Variants in MAP3K9 observed in about 807,000 individuals in gnomAD.
MAP3K9 encodes the protein mixed lineage kinase 1 (tyr and ser/thr specificity).
In MAP3K9, 46 loss-of-function variants were observed where a neutral mutation model predicts 95.8. The observed-to-expected ratio is 0.48, with a 90% CI of 0.38 to 0.61. The LOEUF is 0.61. MAP3K9 is among the 20% of genes least tolerant of loss of function. MAP3K9 has a pLI of 0.00. For synonymous variants in MAP3K9, 533 were observed against 593.8 expected (o/e 0.90, Z 1.49); for missense variants, 1,296 against 1,474.3 (o/e 0.88, Z 1.98).
At position 70,809,286 on chromosome 14, in the gene MAP3K9, A is replaced by AGGTAGGGCCCGGGCT; in HGVS notation, c.-130_-116dup. 2.5e-6 allele frequency: 3 copies of AGGTAGGGCCCGGGCT among 1,205,946 alleles called. No homozygotes were observed. Among genetic ancestry groups the AGGTAGGGCCCGGGCT allele is most frequent in the Non-Finnish European group, 3.1e-6 (3 of 963,292 alleles). 74.7% of individuals were successfully genotyped at this position (1,205,946 alleles called of 1,614,324 possible). A position where few individuals can be genotyped will look rare whatever the true frequency, so the allele number is the denominator to read the frequency against. Reference sequence around the variant, plus strand: ...ACCCCCCCCCAACGACGGCGGCCGCAGGTAGGGCCCGGGCTGGCAGGGCTG... The same window carrying AGGTAGGGCCCGGGCT: ...ACCCCCCCCCAACGACGGCGGCCGCAGGTAGGGCCCGGGCTGGTAGGGCCCGGGCTGGCAGGGCTG... On this transcript the variant is annotated 5_prime_UTR_variant, in exon 1 of 12. Transcript: ENST00000554752.
chr14:70,757,964 G>T (rs770184747), intron 3 of MAP3K9, among the ~76,000 whole-genome samples: 29 of 152,090 alleles, frequency 1.9e-4, no homozygotes, highest in Admixed American at 6.6e-4. Context: ...AAAAAATATA[G>T]GAGTGTAAGT....
chr14:70,739,191 G>A (rs1394776582), intron 7 of MAP3K9, among the ~76,000 whole-genome samples: 5 of 152,164 alleles, frequency 3.3e-5, no homozygotes, highest in South Asian at 2.1e-4. Context: ...ACGCAGTGGC[G>A]CAATCTTGGC....
At chr14:70,759,234 G>A (rs1363807594) in intron 3 of MAP3K9, among the ~76,000 whole-genome samples, 1 of 152,104 alleles carries the variant, frequency 6.6e-6, no homozygotes, top group African/African-American at 2.4e-5. Flanking sequence ...GATTGCTTTG[G>A]ATCAGTTCAA....
intron 3 of MAP3K9, among the ~76,000 whole-genome samples, chr14:70,759,930 C>T (rs1205607465): frequency 6.6e-6 from 1 of 151,916 alleles, no homozygotes; most frequent in African/African-American, 2.4e-5. Context: ...ACTTTTTAAA[C>T]TTTTTGTAGA....
intron 2 of MAP3K9, among the ~76,000 whole-genome samples, chr14:70,768,413 A>G (rs1566751595): frequency 6.6e-6 from 1 of 152,170 alleles, no homozygotes; most frequent in Non-Finnish European, 1.5e-5. Context: ...AAACAAAAAT[A>G]AATGGTACAG....
intron 2 of MAP3K9, among the ~76,000 whole-genome samples, chr14:70,786,390 G>C (rs985103088): frequency 3.3e-5 from 5 of 152,084 alleles, no homozygotes; most frequent in Non-Finnish European, 5.9e-5. Context: ...AGGGAGCCAG[G>C]AGTCTACTGC....
chr14:70,750,021 G>A lies in MAP3K9; in HGVS notation c.1062C>T (p.Gly354=), dbSNP rs1198598722. The A allele has an allele frequency of 1.2e-6, 2 of 1,614,198 alleles. No individual in the cohort carries two copies. ...TGGCCACTCCATAAGCGACTGCTAA[G>A]CCATCAATGCCTCGAAAGGGCACCT... is the stretch of plus-strand genomic sequence containing the variant. ...TGEVPFRGID[G]LAVAYGVAMN... is the part of the protein sequence containing the mutation. The change falls in exon 4 of 12, where the codon GGC becomes GGT. Residue 354 remains glycine (G), a synonymous_variant. Coordinates refer to ENST00000554752, the MANE Select transcript of MAP3K9 (RefSeq NM_001284230.2).
chr14:70,744,017 G>T (rs780185703), intron 5 of MAP3K9, among the ~76,000 whole-genome samples: 7 of 152,200 alleles, frequency 4.6e-5, no homozygotes, highest in Non-Finnish European at 8.8e-5. Flanking sequence ...ATGATACTAT[G>T]CAGCCATAAA....
At chr14:70,778,222 C>T (rs1443282756) in intron 2 of MAP3K9, among the ~76,000 whole-genome samples, 1 of 151,906 alleles carries the variant, frequency 6.6e-6, no homozygotes, top group Non-Finnish European at 1.5e-5. Flanking sequence ...GCAATCCTCC[C>T]ACCTCAGCCT....
chr14:70,800,195 C>T (rs1278656643), intron 2 of MAP3K9, among the ~76,000 whole-genome samples: 3 of 152,156 alleles, frequency 2.0e-5, no homozygotes, highest in Non-Finnish European at 2.9e-5. Context: ...TGAATCAGCT[C>T]ACAGTTTAAA....
At chr14:70,745,334 A>G (rs2054130960) in intron 5 of MAP3K9, among the ~76,000 whole-genome samples, 1 of 152,244 alleles carries the variant, frequency 6.6e-6, no homozygotes, top group South Asian at 2.1e-4. Context: ...GCAGCAGGTA[A>G]AAGTGGAAGA....
Position 70,730,519 on chromosome 14 carries a change from G to A in MAP3K9, c.3176C>T (p.Pro1059Leu), listed in dbSNP as rs146739032. The A allele has an allele frequency of 5.7e-5, 92 of 1,613,818 alleles. No individual in the cohort carries two copies. The highest frequency in any genetic ancestry group is 4.3e-4 in the African/African-American group (32 of 74,936). The change falls in exon 12 of 12, where the codon CCG becomes CTG. Residue 1059 changes from proline (P) to leucine (L), a missense_variant. Physicochemically the swap from Pro to Leu is moderately conservative, Grantham distance 98. This residue lies in a region of MAP3K9 where 433 missense variants were observed against 441.4 expected (regional missense o/e 0.98). Transcript: ENST00000554752. Reference protein sequence around the residue: ...LPALLPFQAGPLPPTERTLLD... With the variant: ...LPALLPFQAGLLPPTERTLLD... ...GAGCGTCCGCTCAGTCGGGGGCAGCGGCCCTGCCTGGAACGGGAGCAGGGC... is the reference window on the plus strand; with the variant it reads ...GAGCGTCCGCTCAGTCGGGGGCAGCAGCCCTGCCTGGAACGGGAGCAGGGC...
chr14:70,804,855 C>T (rs2054973149), intron 1 of MAP3K9, among the ~76,000 whole-genome samples: 1 of 152,070 alleles, frequency 6.6e-6, no homozygotes, highest in Non-Finnish European at 1.5e-5. Context: ...TGACCTGACT[C>T]CAAGAAAAGT....
chr14:70,743,332 T>C (rs1457428297), intron 5 of MAP3K9, among the ~76,000 whole-genome samples: 2 of 152,132 alleles, frequency 1.3e-5, no homozygotes, highest in Non-Finnish European at 2.9e-5. Context: ...CCAAATGCAA[T>C]GGCAACAAAA....
intron 8 of MAP3K9, among the ~76,000 whole-genome samples, chr14:70,737,817 T>C (rs889129688): frequency 6.6e-6 from 1 of 152,234 alleles, no homozygotes; most frequent in Admixed American, 6.5e-5. Flanking sequence ...CTGCTTGGGC[T>C]ACTTGCTACT....
At chr14:70,770,394 G>A (rs766503646) in intron 2 of MAP3K9, among the ~76,000 whole-genome samples, 4 of 151,756 alleles carry the variant, frequency 2.6e-5, no homozygotes, top group Admixed American at 2.6e-4. Flanking sequence ...ATGTTGGCCA[G>A]GCTGGTCTCG....
chr14:70,754,162 C>A (rs1278840308), intron 3 of MAP3K9, among the ~76,000 whole-genome samples: 2 of 152,184 alleles, frequency 1.3e-5, no homozygotes, highest in Admixed American at 6.5e-5. Context: ...AATTCTTCTT[C>A]TTATTAACTG....
intron 9 of MAP3K9, among the ~76,000 whole-genome samples, chr14:70,735,414 C>T (rs2053972298): frequency 6.7e-6 from 1 of 148,926 alleles, no homozygotes; most frequent in Admixed American, 6.8e-5. Flanking sequence ...AACTAAAGAC[C>T]ACTTTCCCCA....
At chr14:70,740,791 G>C (rs1254113012) in intron 6 of MAP3K9, among the ~76,000 whole-genome samples, 1 of 152,250 alleles carries the variant, frequency 6.6e-6, no homozygotes. Flanking sequence ...GCTGCTGCTT[G>C]CACCTATGTC....
Sources: allele counts gnomAD v4.1 joint callset (sites outside exome capture counted in the v4.1 genomes callset), GRCh38; gene constraint gnomAD v4.1.1; regional missense constraint gnomAD v4.1.1; transcripts MANE v1.5; gene names NCBI Gene and HGNC (gene_info 2026-07-23, HGNC 2026-07-21).